LYAR: variants seen among roughly 807,000 people sequenced by gnomAD.
LYAR encodes the protein cell growth-regulating nucleolar protein.
LYAR carries 37 observed loss-of-function variants against 45.2 expected under a neutral mutation model. That is an observed-to-expected ratio of 0.82 (90% CI 0.63 to 1.08). LYAR has a LOEUF of 1.08. Ranked by LOEUF, LYAR falls within the 50% of genes least tolerant of loss-of-function variation. The pLI, the probability that LYAR is intolerant of heterozygous loss-of-function variation, is 0.00. For synonymous variants in LYAR, 176 were observed against 155.1 expected (o/e 1.14, Z -1.00); for missense variants, 493 against 451.0 (o/e 1.09, Z -0.84).
At position 4,281,842 on chromosome 4, in the gene LYAR, C is replaced by A; in HGVS notation, c.178G>T (p.Gly60Cys). ...KCISEDQKYG[G>C]KGYEGKTHKG... is the part of the protein sequence containing the mutation. ...TGGGTTTTACCTTCATAGCCTTTGCCACCATACTTCTGATCTTCACTTATG... is the reference window on the plus strand; with the variant it reads ...TGGGTTTTACCTTCATAGCCTTTGCAACCATACTTCTGATCTTCACTTATG... The change falls in exon 4 of 10, where the codon GGC (glycine) becomes TGC (cysteine). Residue 60 changes from glycine to cysteine, a missense_variant. By Grantham distance (159) the Gly-to-Cys change is radical. Coordinates refer to ENST00000343470, the MANE Select transcript of LYAR (RefSeq NM_017816.3). 6.2e-7 allele frequency: 1 copy of A among 1,614,194 alleles called. No individual in the cohort carries two copies. The highest frequency in any genetic ancestry group is 8.5e-7 in the Non-Finnish European group (1 of 1,180,016).
intron 8 of LYAR, among the ~76,000 whole-genome samples, chr4:4,272,093 T>G (rs1376347710): frequency 1.3e-5 from 2 of 152,036 alleles, no homozygotes; most frequent in Non-Finnish European, 2.9e-5. Context: ...GAGAGGGAAG[T>G]GGCTGTGGCT....
At chr4:4,284,453 G>T (rs3775336) in intron 2 of LYAR, among the ~76,000 whole-genome samples, 56,121 of 151,714 alleles carry the variant, frequency 0.37, 10,909 homozygotes, top group East Asian at 0.55. Flanking sequence ...GAGGACATGC[G>T]CCTCAGCTGT....
intron 8 of LYAR, among the ~76,000 whole-genome samples, chr4:4,271,737 T>C (rs1042629111): frequency 3.3e-5 from 5 of 152,246 alleles, no homozygotes; most frequent in South Asian, 2.1e-4. Flanking sequence ...TGACACAGCA[T>C]TGAACATTCG....
intron 6 of LYAR, among the ~76,000 whole-genome samples, chr4:4,276,565 G>A (rs1051318589): frequency 1.3e-4 from 20 of 148,350 alleles, no homozygotes; most frequent in Non-Finnish European, 3.0e-4. Context: ...AAAAGAAAAC[G>A]GATACTGTAG....
intron 9 of LYAR, 28 bp downstream of exon 9, chr4:4,268,502 G>C: frequency 7.2e-7 from 1 of 1,392,142 alleles, no homozygotes; most frequent in Non-Finnish European, 1.0e-6. Context: ...CCAGCTGTTA[G>C]ACACGTGGGT....
chr4:4,288,438 T>A (rs550253077), intron 1 of LYAR, among the ~76,000 whole-genome samples: 33 of 152,268 alleles, frequency 2.2e-4, no homozygotes, highest in African/African-American at 7.2e-4. Context: ...TGATTTTTTT[T>A]AAATCTTCTT....
In LYAR at chr4:4,281,792, C is replaced by T. The variant is rs142565549; in HGVS notation, c.228G>A (p.Ala76=). Residue 76 remains alanine (A), a synonymous_variant, in exon 4 of 10, where the codon GCG becomes GCA. Coordinates refer to ENST00000343470, the MANE Select transcript of LYAR (RefSeq NM_017816.3). ...KTHKGDIKQQ[A]WIQKISELIK... ...GTTAGAGAGACGTTACCTGAATCCACGCCTGCTGTTTGATGTCGCCTTTGT... is the reference window on the plus strand; with the variant it reads ...GTTAGAGAGACGTTACCTGAATCCATGCCTGCTGTTTGATGTCGCCTTTGT... The T allele has an allele frequency of 1.1e-3, 1,759 of 1,613,550 alleles. 9 individuals are homozygous for T. The highest frequency in any genetic ancestry group is 8.4e-3 in the South Asian group (767 of 91,072).
rs1044965307 is a variant in LYAR at position 4,267,868 on chromosome 4, A to C, written c.*21T>G. 1 of 1,595,490 alleles carries C rather than the reference A, an allele frequency of 6.3e-7. No individual in the cohort carries two copies. Among genetic ancestry groups the C allele is most frequent in the Non-Finnish European group, 8.5e-7 (1 of 1,171,270 alleles). The stretch of plus-strand genomic sequence containing the variant: ...AGGAAGAAGTCAGCAGAATGGATTC[A>C]ATTTTTAAATACACAAATGTTCATT... On this transcript the variant is annotated 3_prime_UTR_variant, in exon 10 of 10. Transcript: ENST00000343470.
Position 4,279,534 on chromosome 4 carries a change from T to C in LYAR, c.346-4A>G. 1 of 1,605,164 alleles carries C rather than the reference T, an allele frequency of 6.2e-7. No individual in the cohort carries two copies. The highest frequency in any genetic ancestry group is 8.5e-7 in the Non-Finnish European group (1 of 1,172,218). ...TTAAACTGTTCTTCATCCAATTCTG[T>C]AAGAAAGAAAAAGAAAAAGAACTAT... On this transcript the variant is annotated splice_region_variant and splice_polypyrimidine_tract_variant and intron_variant, in intron 5 of 9. Transcript: ENST00000343470.
intron 8 of LYAR, among the ~76,000 whole-genome samples, chr4:4,272,942 G>A (rs1490028442): frequency 6.6e-6 from 1 of 152,176 alleles, no homozygotes; most frequent in Non-Finnish European, 1.5e-5. Context: ...CAGGCCTGAA[G>A]AAGCAGGAGA....
Position 4,279,403 on chromosome 4 carries a change from A to C in LYAR, c.429+44T>G. ...AGAAATTCCCATTTCATTATTACTA[A>C]TTATTTTTGCCACAATGCAAATCTA... On this transcript the variant is annotated intron_variant, in intron 6 of 9. Coordinates refer to ENST00000343470, the MANE Select transcript of LYAR (RefSeq NM_017816.3). 2 of 1,253,962 alleles carry C rather than the reference A, an allele frequency of 1.6e-6. 1 individual carries two copies. Among genetic ancestry groups the C allele is most frequent in the South Asian group, 2.6e-5 (2 of 76,972 alleles). The allele number at this position is 1,253,962 out of a possible 1,614,324, so 77.7% of individuals were successfully genotyped here.
chr4:4,288,642 T>G (rs3775346), intron 1 of LYAR, among the ~76,000 whole-genome samples: 1 of 151,818 alleles, frequency 6.6e-6, no homozygotes, highest in Non-Finnish European at 1.5e-5. Flanking sequence ...CATGCCACCA[T>G]GCCCGGCTAA....
intron 1 of LYAR, among the ~76,000 whole-genome samples, chr4:4,288,519 T>C (rs1719714115): frequency 6.7e-6 from 1 of 150,114 alleles, no homozygotes; most frequent in Non-Finnish European, 1.5e-5. Context: ...GGAGTCTCAT[T>C]CTGTTGCCCA....
chr4:4,271,524 A>G lies in LYAR; in HGVS notation c.919+2059T>C, dbSNP rs1477607299. Among the ~76,000 whole-genome samples the G allele has an allele frequency of 3.3e-5, 5 of 152,178 alleles. No homozygotes were observed. In the East Asian group the frequency reaches 9.6e-4, roughly 29 times the overall value. On this transcript the variant is annotated intron_variant, in intron 8 of 9. Coordinates refer to ENST00000343470, the MANE Select transcript of LYAR (RefSeq NM_017816.3). ...CAGGGATTTCCTTTCTTCTGAATAT[A>G]TACCCAAACAGTGGGGCTGCTGGAT... is the stretch of plus-strand genomic sequence containing the variant.
chr4:4,287,081 T>A (rs1024304172), intron 1 of LYAR, among the ~76,000 whole-genome samples: 4 of 152,350 alleles, frequency 2.6e-5, no homozygotes, highest in African/African-American at 9.6e-5. Context: ...GATTTCAACA[T>A]CTAGCCCTAA....
At chr4:4,280,567 T>C (rs1719354420) in intron 4 of LYAR, among the ~76,000 whole-genome samples, 1 of 152,208 alleles carries the variant, frequency 6.6e-6, no homozygotes, top group African/African-American at 2.4e-5. Flanking sequence ...TGCTGACCCC[T>C]GCTTCAGAGG....
At chr4:4,272,501 T>C (rs1480668572) in intron 8 of LYAR, among the ~76,000 whole-genome samples, 1 of 152,154 alleles carries the variant, frequency 6.6e-6, no homozygotes, top group Non-Finnish European at 1.5e-5. Flanking sequence ...AGTAAAAGAT[T>C]ATCAATAACT....
chr4:4,284,058 C>T (rs1050980293), intron 2 of LYAR, among the ~76,000 whole-genome samples: 7 of 152,154 alleles, frequency 4.6e-5, no homozygotes, highest in African/African-American at 1.7e-4. Flanking sequence ...CCGCAGTAAC[C>T]CTATGAGGGA....
At chr4:4,282,541 A>C (rs1268175132) in intron 3 of LYAR, among the ~76,000 whole-genome samples, 1 of 152,198 alleles carries the variant, frequency 6.6e-6, no homozygotes, top group Non-Finnish European at 1.5e-5. Context: ...AAAAAAAATC[A>C]CTGCTCCAGA....
Sources: allele counts gnomAD v4.1 joint callset (sites outside exome capture counted in the v4.1 genomes callset), GRCh38; gene constraint gnomAD v4.1.1; transcripts MANE v1.5; gene names NCBI Gene and HGNC (gene_info 2026-07-23, HGNC 2026-07-21).